PIGV: variants seen among roughly 807,000 people sequenced by gnomAD.
The protein encoded by PIGV is GPI alpha-1,6-mannosyltransferase 2.
Under a neutral mutation model 39.2 loss-of-function variants are expected in PIGV, and 27 were observed. The observed-to-expected ratio is 0.69, with a 90% CI of 0.51 to 0.95. The LOEUF (loss-of-function observed/expected upper bound fraction) is 0.95, where lower values mean the gene tolerates loss of function less well. Among genes scored for constraint, PIGV ranks in the 40% least tolerant of loss-of-function variants. The probability of loss-of-function intolerance (pLI) is 0.00; values close to 1 mark genes in which losing one functional copy is unlikely to be tolerated. For missense variants in PIGV, 523 were observed against 586.4 expected (o/e 0.89, Z 1.12); for synonymous variants, 232 against 241.7 (o/e 0.96, Z 0.37).
In PIGV at chr1:26,794,692, G is replaced by T. The variant is rs1237603284; in HGVS notation, c.658G>T (p.Gly220Cys). The T allele has an allele frequency of 6.2e-7, 1 of 1,614,074 alleles. No homozygotes were observed. Residue 220 changes from glycine to cysteine, a missense_variant, in exon 3 of 4, where the codon GGC becomes TGC. By Grantham distance (159) the Gly-to-Cys change is radical. Coordinates refer to ENST00000674202, the MANE Select transcript of PIGV (RefSeq NM_017837.4). ...CTTCCTCATGCATTCTCAATGCCAA[G>T]GCTTTTTCTCTTCTCTAACGATGCT... is the stretch of plus-strand genomic sequence containing the variant. ...VGFLMHSQCQ[G>C]FFSSLTMLNP...
chr1:26,791,241 G>C (rs915777848), intron 2 of PIGV, among the ~76,000 whole-genome samples: 6 of 152,174 alleles, frequency 3.9e-5, no homozygotes, highest in African/African-American at 1.4e-4. Flanking sequence ...CTTATAGGGT[G>C]GGACAGCTCA....
At chr1:26,792,607 G>A (rs1006948621) in intron 2 of PIGV, among the ~76,000 whole-genome samples, 1 of 152,216 alleles carries the variant, frequency 6.6e-6, no homozygotes, top group African/African-American at 2.4e-5. Context: ...GATTACAGGC[G>A]TGAGCCACCG....
chr1:26,789,414 C>T (rs1382091501), intron 1 of PIGV, among the ~76,000 whole-genome samples: 4 of 152,194 alleles, frequency 2.6e-5, no homozygotes, highest in Admixed American at 1.3e-4. Flanking sequence ...TTTTATTTTC[C>T]TGTGGCTTCT....
Position 26,794,923 on chromosome 1 carries a change from T to G in PIGV, c.889T>G (p.Phe297Val). ...IAEGNEPPWCFWDVPLIYSYI... is the reference protein window; with the variant it reads ...IAEGNEPPWCVWDVPLIYSYI... ...AGAGGGAAATGAACCGCCTTGGTGC[T>G]TCTGGGATGTTCCACTAATATACAG... Residue 297 changes from phenylalanine to valine, a missense_variant, in exon 3 of 4, where the codon TTC (phenylalanine) becomes GTC (valine). By Grantham distance (50) the Phe-to-Val change is conservative. Coordinates refer to ENST00000674202, the MANE Select transcript of PIGV (RefSeq NM_017837.4). 6.2e-7 allele frequency: 1 copy of G among 1,614,194 alleles called. No homozygotes were observed. Among genetic ancestry groups the G allele is most frequent in the Non-Finnish European group, 8.5e-7 (1 of 1,180,008 alleles).
intron 1 of PIGV, among the ~76,000 whole-genome samples, chr1:26,789,611 C>T (rs1008958453): frequency 3.3e-5 from 5 of 152,144 alleles, no homozygotes; most frequent in Non-Finnish European, 7.3e-5. Context: ...GATGTAAAGC[C>T]CCTGCCCTTA....
intron 3 of PIGV, among the ~76,000 whole-genome samples, chr1:26,796,646 G>T (rs1427227462): frequency 6.6e-6 from 1 of 152,206 alleles, no homozygotes; most frequent in Admixed American, 6.5e-5. Flanking sequence ...AAACACGAGG[G>T]TTGTGAAAGG....
intron 2 of PIGV, 55 bp from the exon 3 acceptor site, chr1:26,794,058 C>A (rs2081346519): frequency 6.6e-7 from 1 of 1,513,462 alleles, no homozygotes; most frequent in African/African-American, 1.4e-5. Context: ...TATTAAATGG[C>A]AATTCTTTTC....
chr1:26,795,922 G>C (rs556975416), intron 3 of PIGV, among the ~76,000 whole-genome samples: 1 of 150,376 alleles, frequency 6.6e-6, no homozygotes, highest in Non-Finnish European at 1.5e-5. Context: ...GCAGTGGTGC[G>C]ATCTCAGCTC....
intron 3 of PIGV, 22 bp from the exon 4 acceptor site, chr1:26,797,541 A>G: frequency 5.6e-6 from 9 of 1,593,778 alleles, no homozygotes; most frequent in South Asian, 1.1e-5. Context: ...ATGTCTGGAT[A>G]TTCCCCTCTC....
upstream of PIGV, chr1:26,787,847 C>A (rs923492877): frequency 1.3e-5 from 2 of 152,332 alleles, no homozygotes; most frequent in Non-Finnish European, 2.9e-5. Context: ...GCGGCGACCC[C>A]CATCCCGCTC....
In PIGV at chr1:26,797,885, A is replaced by C. The variant is rs1315566036; in HGVS notation, c.*41A>C. 9 of 1,590,838 alleles carry C rather than the reference A, an allele frequency of 5.7e-6. No homozygotes were observed. Among genetic ancestry groups the C allele is most frequent in the Non-Finnish European group, 7.8e-6 (9 of 1,158,930 alleles). On this transcript the variant is annotated 3_prime_UTR_variant, in exon 4 of 4. Transcript: ENST00000674202. ...GACAGGTTGGAAGCCAACTTAACCC[A>C]GGGGTCTGAAAGTAAAAATACACAT...
At chr1:26,791,859 C>T (rs1416914314) in intron 2 of PIGV, among the ~76,000 whole-genome samples, 2 of 152,224 alleles carry the variant, frequency 1.3e-5, no homozygotes, top group African/African-American at 4.8e-5. Context: ...TGGTGCTATG[C>T]TCCTGTTGCC....
Position 26,794,445 on chromosome 1 carries a change from G to T in PIGV, c.411G>T (p.Leu137=). ...FMLAAVALHD[L]GCLVLHCPHQ... ...TGGCTGCAGTTGCACTTCATGACCT[G>T]GGTTGTCTGGTTTTGCACTGTCCCC... Residue 137 remains leucine, a synonymous_variant, in exon 3 of 4, where the codon CTG becomes CTT. Coordinates refer to ENST00000674202, the MANE Select transcript of PIGV (RefSeq NM_017837.4). 1 of 1,614,206 alleles carries T rather than the reference G, an allele frequency of 6.2e-7. No individual in the cohort carries two copies. Among genetic ancestry groups the T allele is most frequent in the Middle Eastern group, 1.6e-4 (1 of 6,062 alleles).
In PIGV at chr1:26,790,813, AG is replaced by A; in HGVS notation, c.-1del. 1.2e-6 allele frequency: 2 copies of A among 1,613,312 alleles called. No individual in the cohort carries two copies. The highest frequency in any genetic ancestry group is 1.7e-6 in the Non-Finnish European group (2 of 1,179,254). On this transcript the variant is annotated 5_prime_UTR_variant, in exon 2 of 4. Transcript: ENST00000674202. ...ACACCCCTGAATTCCTGGTGGTGAA[AG>A]GATGTGGCCCCAGGACCCATCCCGG...
Position 26,799,972 on chromosome 1 carries a change from C to T in PIGV, c.*2128C>T, listed in dbSNP as rs1262454984. Among the ~76,000 whole-genome samples the T allele has an allele frequency of 6.6e-6, 1 of 152,198 alleles. No homozygotes were observed. Among genetic ancestry groups the T allele is most frequent in the Non-Finnish European group, 1.5e-5 (1 of 68,040 alleles). ...GGAGCACTGGGTTCTTCGCTCTCCT[C>T]TTTGCCTCCTTTTGGGGGATAATCA... On this transcript the variant is annotated 3_prime_UTR_variant, in exon 4 of 4. Transcript: ENST00000674202.
rs768120577 is a variant in PIGV, at chr1:26,795,070, G to A, written c.1036G>A (p.Val346Met). The change falls in exon 3 of 4, where the codon GTG becomes ATG. Residue 346 changes from valine (V) to methionine (M), a missense_variant. Transcript: ENST00000674202. ...ILVAWATWTY[V>M]TTHPWLCLTL... Reference sequence around the variant, plus strand: ...GGTTGCCTGGGCAACTTGGACATACGTGACCACTCACCCTTGGCTCTGCCT... The same window carrying A: ...GGTTGCCTGGGCAACTTGGACATACATGACCACTCACCCTTGGCTCTGCCT... 7.4e-6 allele frequency: 12 copies of A among 1,614,212 alleles called. No homozygotes were observed. The highest frequency in any genetic ancestry group is 2.2e-5 in the East Asian group (1 of 44,892).
In PIGV at chr1:26,795,076, A is replaced by G; in HGVS notation, c.1042A>G (p.Thr348Ala). The change falls in exon 3 of 4, where the codon ACT (threonine) becomes GCT (alanine). Residue 348 changes from threonine (T) to alanine (A), a missense_variant. Physicochemically the swap from Thr to Ala is moderately conservative, Grantham distance 58. Transcript: ENST00000674202. ...VAWATWTYVT[T>A]HPWLCLTLGL... ...CTGGGCAACTTGGACATACGTGACC[A>G]CTCACCCTTGGCTCTGCCTTACACT... 1 of 1,614,120 alleles carries G rather than the reference A, an allele frequency of 6.2e-7. No individual in the cohort carries two copies. Among genetic ancestry groups the G allele is most frequent in the Non-Finnish European group, 8.5e-7 (1 of 1,180,024 alleles).
At chr1:26,789,851 C>G (rs1389042338) in intron 1 of PIGV, among the ~76,000 whole-genome samples, 4 of 152,028 alleles carry the variant, frequency 2.6e-5, no homozygotes, top group Non-Finnish European at 4.4e-5. Flanking sequence ...GATGAGCTGC[C>G]TCTGATGCTT....
chr1:26,795,826 T>C (rs1176247778), intron 3 of PIGV, among the ~76,000 whole-genome samples: 1 of 151,522 alleles, frequency 6.6e-6, no homozygotes, highest in Non-Finnish European at 1.5e-5. Flanking sequence ...GAGTGCTATT[T>C]TGAGATTTAT....
Sources: allele counts gnomAD v4.1 joint callset (sites outside exome capture counted in the v4.1 genomes callset), GRCh38; gene constraint gnomAD v4.1.1; transcripts MANE v1.5; gene names NCBI Gene and HGNC (gene_info 2026-07-23, HGNC 2026-07-21).